EIF3H: variants seen among roughly 807,000 people sequenced by gnomAD.
EIF3H encodes eukaryotic translation initiation factor 3 subunit H.
In EIF3H, 26 loss-of-function variants were observed where a neutral mutation model predicts 44.2. The observed-to-expected ratio is 0.59, with a 90% CI of 0.43 to 0.82. The LOEUF (loss-of-function observed/expected upper bound fraction) is 0.82, where lower values mean the gene tolerates loss of function less well. EIF3H is among the 40% of genes least tolerant of loss of function. The pLI is 0.00. For synonymous variants in EIF3H, 166 were observed against 151.9 expected, an observed-to-expected ratio of 1.09 and a Z score of -0.68; for missense variants, 359 against 432.8, an observed-to-expected ratio of 0.83 and a Z score of 1.51.
At chr8:116,752,891 T>A (rs1815383562) in intron 1 of EIF3H, among the ~76,000 whole-genome samples, 2 of 151,564 alleles carry the variant, frequency 1.3e-5, no homozygotes, top group African/African-American at 4.8e-5. Flanking sequence ...AGGAAGGAGT[T>A]TTTTTTAAAT....
chr8:116,722,348 T>C (rs1009622752), intron 2 of EIF3H, among the ~76,000 whole-genome samples: 1 of 152,168 alleles, frequency 6.6e-6, no homozygotes, highest in African/African-American at 2.4e-5. Flanking sequence ...TTAAACCTTT[T>C]TCTTTGTAAG....
At chr8:116,651,339 C>A (rs188404450) in intron 5 of EIF3H, among the ~76,000 whole-genome samples, 127 of 152,230 alleles carry the variant, frequency 8.3e-4, no homozygotes, top group Middle Eastern at 6.8e-3. Flanking sequence ...GAGGGTGACT[C>A]CCAGTCTTCT....
intron 2 of EIF3H, among the ~76,000 whole-genome samples, chr8:116,718,288 A>G (rs1473768250): frequency 1.3e-5 from 2 of 152,172 alleles, no homozygotes; most frequent in African/African-American, 4.8e-5. Context: ...TAGTAGAATG[A>G]CTATGGAAAA....
chr8:116,680,198 T>TG (rs1221037720), intron 2 of EIF3H, among the ~76,000 whole-genome samples: 130 of 5,070 alleles, frequency 0.026, no homozygotes, highest in East Asian at 0.086. Flanking sequence ...TCCGGGAGGG[T>TG]GGGGGGGGGG....
At chr8:116,662,232 G>C (rs1307072892) in intron 2 of EIF3H, among the ~76,000 whole-genome samples, 2 of 152,044 alleles carry the variant, frequency 1.3e-5, no homozygotes, top group African/African-American at 4.8e-5. Context: ...TCTTGGTTTG[G>C]ACTTACCACC....
chr8:116,748,758 C>T (rs936458040), intron 1 of EIF3H, among the ~76,000 whole-genome samples: 1 of 152,126 alleles, frequency 6.6e-6, no homozygotes, highest in African/African-American at 2.4e-5. Flanking sequence ...TACCAAAATT[C>T]GCAGATGCTC....
In EIF3H at chr8:116,666,164, A is replaced by G. The variant is rs1005143883; in HGVS notation, c.290-7184T>C. ...AAAATACTGCCTTTCTTAATCTTAC[A>G]GAAATATTTTTTAAAATAATGGGTG... On this transcript the variant is annotated intron_variant, in intron 2 of 7. Coordinates refer to ENST00000521861, the MANE Select transcript of EIF3H (RefSeq NM_003756.3). 2.6e-5 allele frequency among the ~76,000 whole-genome samples: 4 copies of G among 152,328 alleles called. No individual in the cohort carries two copies. In the East Asian group the frequency reaches 5.8e-4, roughly 22 times the overall value.
intron 5 of EIF3H, among the ~76,000 whole-genome samples, chr8:116,653,790 T>A (rs141752000): frequency 6.6e-6 from 1 of 152,282 alleles, no homozygotes; most frequent in Admixed American, 6.5e-5. Flanking sequence ...AGAACTTCCA[T>A]CTAATAAAAT....
intron 2 of EIF3H, among the ~76,000 whole-genome samples, chr8:116,669,165 T>C (rs1004999623): frequency 2.0e-5 from 3 of 152,160 alleles, no homozygotes; most frequent in Non-Finnish European, 4.4e-5. Context: ...AAAAAAATAC[T>C]TCTAAGATAC....
In EIF3H at chr8:116,643,821, T is replaced by G. The variant is rs1402147979; in HGVS notation, c.*1185A>C. On this transcript the variant is annotated 3_prime_UTR_variant, in exon 8 of 8. Coordinates refer to ENST00000521861, the MANE Select transcript of EIF3H (RefSeq NM_003756.3). ...TGATAACCCTCCTAGGGGATCATAA[T>G]CAAAAATTCTCATAGGCACACCCCC... 6.6e-6 allele frequency: 1 copy of G among 152,210 alleles called. No individual in the cohort carries two copies. The highest frequency in any genetic ancestry group is 1.5e-5 in the Non-Finnish European group (1 of 68,034). The allele number at this position is 152,210 out of a possible 1,614,324, so 9.4% of individuals were successfully genotyped here.
rs568914147 is a variant in EIF3H, at chr8:116,684,928, T to C, written c.290-25948A>G. Reference sequence around the variant, plus strand: ...GGAAGGAGTATGTAAATCATAAATATTTGCTGTACAGTCAAGAAAGAATAC... The same window carrying C: ...GGAAGGAGTATGTAAATCATAAATACTTGCTGTACAGTCAAGAAAGAATAC... On this transcript the variant is annotated intron_variant, in intron 2 of 7. Transcript: ENST00000521861. Among the ~76,000 whole-genome samples, 213 of 152,282 alleles carry C rather than the reference T, an allele frequency of 1.4e-3. 1 individual carries two copies. The highest frequency in any genetic ancestry group is 6.8e-3 in the Middle Eastern group (2 of 292).
At chr8:116,678,188 T>A (rs913064897) in intron 2 of EIF3H, among the ~76,000 whole-genome samples, 3 of 149,168 alleles carry the variant, frequency 2.0e-5, no homozygotes, top group African/African-American at 7.5e-5. Context: ...GGAGACGGGG[T>A]TTTGCTGTGT....
intron 3 of EIF3H, among the ~76,000 whole-genome samples, chr8:116,658,035 T>C (rs147908691): frequency 0.012 from 1,894 of 152,306 alleles, 81 homozygotes; most frequent in Admixed American, 0.09. Flanking sequence ...CCAAAATAGA[T>C]TGAAACAAGT....
At chr8:116,705,818 G>A (rs1814460025) in intron 2 of EIF3H, among the ~76,000 whole-genome samples, 1 of 152,116 alleles carries the variant, frequency 6.6e-6, no homozygotes, top group South Asian at 2.1e-4. Context: ...AGATGTCAAT[G>A]TTGGTTTCTT....
chr8:116,657,224 GA>G lies in EIF3H; in HGVS notation c.547del (p.Ser183ProfsTer5). 1.2e-6 allele frequency: 2 copies of G among 1,613,214 alleles called. No individual in the cohort carries two copies. Among genetic ancestry groups the G allele is most frequent in the Middle Eastern group, 1.7e-4 (1 of 6,060 alleles). On this transcript the variant is annotated frameshift_variant, in exon 4 of 8. Coordinates refer to ENST00000521861, the MANE Select transcript of EIF3H (RefSeq NM_003756.3). LOFTEE classifies it high-confidence loss of function. Reference sequence around the variant, plus strand: ...GCCCCCAAACACTTACGCTTCAGGGGAAAAATCCTTTTCTTTACAAACTTCC... The same window carrying G: ...GCCCCCAAACACTTACGCTTCAGGGGAAAATCCTTTTCTTTACAAACTTCC... ...LMEVCKEKDF[S>X]PEALKKANIT... is the part of the protein sequence containing the mutation.
At chr8:116,746,000 C>A (rs765503001) in intron 1 of EIF3H, among the ~76,000 whole-genome samples, 4 of 151,878 alleles carry the variant, frequency 2.6e-5, no homozygotes, top group Admixed American at 2.6e-4. Context: ...CTTAGGGACA[C>A]GTACCAGTAC....
chr8:116,657,417 C>T, intron 3 of EIF3H, 103 bp from the exon 4 acceptor site: 1 of 808,874 alleles, frequency 1.2e-6, no homozygotes, highest in South Asian at 1.6e-5. Context: ...ACAATCTTTG[C>T]AAAATAAAGA....
chr8:116,649,671 A>C (rs937590704), intron 5 of EIF3H, among the ~76,000 whole-genome samples: 3 of 152,204 alleles, frequency 2.0e-5, no homozygotes, highest in Admixed American at 1.3e-4. Flanking sequence ...CATTAACTGC[A>C]AACAGGTATT....
chr8:116,686,662 C>CTG (rs753071801), intron 2 of EIF3H, among the ~76,000 whole-genome samples: 6 of 149,896 alleles, frequency 4.0e-5, no homozygotes, highest in Non-Finnish European at 3.0e-5. Flanking sequence ...ACCAGCTGAT[C>CTG]AACAGGTTGT....
Sources: gnomAD v4.1 joint callset for allele counts (sites outside exome capture counted in the v4.1 genomes callset) on GRCh38, gnomAD v4.1.1 for gene constraint, MANE v1.5 for transcripts, NCBI Gene and HGNC (gene_info 2026-07-23, HGNC 2026-07-21) for gene names.